The following SGCZ variants were observed in gnomAD, a reference collection of about 807,000 sequenced individuals.
The protein encoded by SGCZ is sarcoglycan zeta.
SGCZ carries 40 observed loss-of-function variants against 41.3 expected under a neutral mutation model. The ratio of observed to expected loss-of-function variants is 0.97; its 90% CI spans 0.75 to 1.26. The LOEUF is 1.26. SGCZ is among the 50% of genes most tolerant of loss of function. The probability of loss-of-function intolerance (pLI) is 0.00; values close to 1 mark genes in which losing one functional copy is unlikely to be tolerated. For missense variants in SGCZ, 552 were observed against 369.8 expected, an observed-to-expected ratio of 1.49 and a Z score of -4.04; for synonymous variants, 206 against 137.5, an observed-to-expected ratio of 1.50 and a Z score of -3.49.
chr8:14,137,928 G>A (rs1803251777), intron 5 of SGCZ, among the ~76,000 whole-genome samples: 1 of 152,284 alleles, frequency 6.6e-6, no homozygotes, highest in Non-Finnish European at 1.5e-5. Flanking sequence ...GGCAGCCAGA[G>A]AGAAAGGTCA....
chr8:14,150,916 C>G (rs1366874016), intron 5 of SGCZ, among the ~76,000 whole-genome samples: 6 of 152,030 alleles, frequency 3.9e-5, no homozygotes, highest in Non-Finnish European at 8.8e-5. Context: ...GTGAACTAAG[C>G]CAGGCACAGA....
At chr8:14,514,816 T>C (rs1290553669) in intron 2 of SGCZ, among the ~76,000 whole-genome samples, 1 of 34,802 alleles carries the variant, frequency 2.9e-5, no homozygotes, top group South Asian at 5.5e-4. Flanking sequence ...TGTGTGTGTA[T>C]ATATACACGC....
chr8:14,417,736 A>T (rs1377845150), intron 2 of SGCZ, among the ~76,000 whole-genome samples: 2 of 151,896 alleles, frequency 1.3e-5, no homozygotes, highest in Admixed American at 6.6e-5. Context: ...TGTTTTACAC[A>T]AAAAAGGTAA....
intron 3 of SGCZ, among the ~76,000 whole-genome samples, chr8:14,307,417 T>C (rs1563248209): frequency 1.3e-5 from 2 of 152,252 alleles, no homozygotes; most frequent in East Asian, 3.9e-4. Flanking sequence ...TCCTTTCCCG[T>C]CCATATTCAC....
chr8:14,262,268 T>TAC (rs1799700874), intron 3 of SGCZ, among the ~76,000 whole-genome samples: 1 of 152,174 alleles, frequency 6.6e-6, no homozygotes, highest in Non-Finnish European at 1.5e-5. Flanking sequence ...ACAAAAGTGA[T>TAC]ACACGTTTTA....
intron 1 of SGCZ, among the ~76,000 whole-genome samples, chr8:14,949,526 C>T (rs1800562486): frequency 6.6e-6 from 1 of 152,044 alleles, no homozygotes; most frequent in African/African-American, 2.4e-5. Flanking sequence ...GTTATTATTT[C>T]AGGAAACTAA....
In SGCZ at chr8:14,836,143, G is replaced by A. The variant is rs1197391048; in HGVS notation, c.40-281217C>T. Among the ~76,000 whole-genome samples, 5 of 151,740 alleles carry A rather than the reference G, an allele frequency of 3.3e-5. No homozygotes were observed. In the East Asian group the frequency reaches 9.7e-4, roughly 30 times the overall value. ...CTCCCCCACACCTCCCCTCCCACCT[G>A]ATCATCAGCTGACAGACCTTTTAAT... On this transcript the variant is annotated intron_variant, in intron 1 of 7. Coordinates refer to ENST00000382080, the MANE Select transcript of SGCZ (RefSeq NM_139167.4).
chr8:14,305,989 T>C lies in SGCZ; in HGVS notation c.336+18114A>G, dbSNP rs559135910. Among the ~76,000 whole-genome samples the C allele has an allele frequency of 5.3e-5, 8 of 152,188 alleles. No homozygotes were observed. The East Asian group carries it at 9.6e-4, about 18-fold the overall frequency. ...ACCATCATACCGACTTAGACACTTATGTTAGGGTATTCTAGGTTATTCAGC... is the reference window on the plus strand; with the variant it reads ...ACCATCATACCGACTTAGACACTTACGTTAGGGTATTCTAGGTTATTCAGC... On this transcript the variant is annotated intron_variant, in intron 3 of 7. Transcript: ENST00000382080.
intron 4 of SGCZ, among the ~76,000 whole-genome samples, chr8:14,231,108 C>T (rs1806550639): frequency 6.8e-6 from 1 of 147,020 alleles, no homozygotes; most frequent in South Asian, 2.1e-4. Context: ...TAAAAGGTGT[C>T]CTGACTCTGA....
intron 1 of SGCZ, among the ~76,000 whole-genome samples, chr8:14,565,203 A>T (rs937071915): frequency 2.6e-5 from 4 of 152,100 alleles, no homozygotes; most frequent in Non-Finnish European, 4.4e-5. Context: ...TTAAAAAATA[A>T]TTTTTTTCAG....
chr8:15,016,551 T>G (rs895284172), intron 1 of SGCZ, among the ~76,000 whole-genome samples: 2 of 152,186 alleles, frequency 1.3e-5, no homozygotes, highest in Admixed American at 6.5e-5. Context: ...AACGCACTGT[T>G]ATCGCAGACG....
intron 1 of SGCZ, among the ~76,000 whole-genome samples, chr8:14,670,385 A>G (rs569339797): frequency 1.3e-5 from 2 of 152,262 alleles, no homozygotes; most frequent in East Asian, 3.9e-4. Context: ...TCTGAATTGC[A>G]TATTATTGCT....
chr8:15,220,139 T>C (rs73667927), intron 1 of SGCZ, among the ~76,000 whole-genome samples: 1 of 152,116 alleles, frequency 6.6e-6, no homozygotes, highest in East Asian at 1.9e-4. Flanking sequence ...AATGAAATAA[T>C]AGAAAAAAAG....
chr8:15,059,584 A>C (rs1297525122), intron 1 of SGCZ, among the ~76,000 whole-genome samples: 1 of 152,228 alleles, frequency 6.6e-6, no homozygotes, highest in Non-Finnish European at 1.5e-5. Context: ...GAATGTAAGA[A>C]ATCATTACTT....
intron 1 of SGCZ, among the ~76,000 whole-genome samples, chr8:14,650,974 T>G (rs1400925366): frequency 6.6e-6 from 1 of 152,058 alleles, no homozygotes; most frequent in Non-Finnish European, 1.5e-5. Context: ...TACATTTTCT[T>G]AAAATATAAA....
At chr8:15,098,280 T>C (rs1336338171) in intron 1 of SGCZ, among the ~76,000 whole-genome samples, 1 of 152,160 alleles carries the variant, frequency 6.6e-6, no homozygotes, top group East Asian at 1.9e-4. Flanking sequence ...AAAGCTACAA[T>C]GTGCATATTC....
chr8:14,933,348 G>A (rs1313687634), intron 1 of SGCZ, among the ~76,000 whole-genome samples: 2 of 151,908 alleles, frequency 1.3e-5, no homozygotes, highest in African/African-American at 2.4e-5. Flanking sequence ...TAAGGTGAGA[G>A]GTTTGACATG....
intron 4 of SGCZ, among the ~76,000 whole-genome samples, chr8:14,220,691 G>A (rs1390306144): frequency 6.6e-6 from 1 of 152,138 alleles, no homozygotes; most frequent in African/African-American, 2.4e-5. Flanking sequence ...GGAGGCTGAG[G>A]TAGGAGAATG....
At chr8:14,780,970 G>T (rs1324142572) in intron 1 of SGCZ, among the ~76,000 whole-genome samples, 1 of 152,112 alleles carries the variant, frequency 6.6e-6, no homozygotes, top group Non-Finnish European at 1.5e-5. Context: ...AAGAAACCAG[G>T]TTGTTGTCTT....
Sources: allele counts gnomAD v4.1 joint callset (sites outside exome capture counted in the v4.1 genomes callset), GRCh38; gene constraint gnomAD v4.1.1; transcripts MANE v1.5; gene names NCBI Gene and HGNC (gene_info 2026-07-23, HGNC 2026-07-21).